The following LINC00632 variants were observed in gnomAD, a reference collection of about 807,000 sequenced individuals.
The protein encoded by LINC00632 is ALDOA related specific transcript.
chrX:140,783,625 T>G (rs772759041), exon 5 of LINC00632: 2 of 1,209,681 alleles, frequency 1.7e-6, no homozygotes, highest in Non-Finnish European at 2.2e-6. Context: ...ATCCAGGTCT[T>G]CCAGTCAATC....
chrX:140,767,391 A>AT (rs746740714), intron 3 of LINC00632, among the ~76,000 whole-genome samples: 236 of 111,801 alleles, frequency 2.1e-3, no homozygotes, highest in Admixed American at 5.4e-3. Flanking sequence ...ATTTTTTTCC[A>AT]TTTTTGTTAA....
At chrX:140,751,272 T>C (rs2148393084) in intron 3 of LINC00632, among the ~76,000 whole-genome samples, 1 of 101,327 alleles carries the variant, frequency 9.9e-6, no homozygotes, top group South Asian at 4.4e-4. Flanking sequence ...TTTTATCACA[T>C]CCATGCCAAC....
chrX:140,765,162 A>C (rs1255699589), intron 3 of LINC00632, among the ~76,000 whole-genome samples: 1 of 111,926 alleles, frequency 8.9e-6, no homozygotes, highest in Non-Finnish European at 1.9e-5. Flanking sequence ...CGACGCAGCT[A>C]ATCAACTCTG....
exon 5 of LINC00632, chrX:140,784,215 A>C: frequency 8.3e-7 from 1 of 1,211,873 alleles, no homozygotes; most frequent in South Asian, 1.8e-5. Flanking sequence ...GTCTTCCAAC[A>C]AAGCCATGTC....
chrX:140,724,305 TCAGA>T (rs1415646057), intron 2 of LINC00632, among the ~76,000 whole-genome samples: 1 of 27,376 alleles, frequency 3.7e-5, no homozygotes, highest in Non-Finnish European at 6.7e-5. Flanking sequence ...ACACACACAT[TCAGA>T]CACATTCCAT....
At chrX:140,730,335 C>T (rs1046366538) in intron 2 of LINC00632, among the ~76,000 whole-genome samples, 8 of 110,864 alleles carry the variant, frequency 7.2e-5, no homozygotes, top group Non-Finnish European at 1.1e-4. Flanking sequence ...CCTATCAGAA[C>T]GACTCATGCC....
chrX:140,716,991 A>ATT (rs371108110), intron 2 of LINC00632, among the ~76,000 whole-genome samples: 1 of 104,587 alleles, frequency 9.6e-6, no homozygotes, highest in African/African-American at 3.5e-5. Context: ...ATTCCACAAC[A>ATT]TTTTTTTTTT....
exon 5 of LINC00632, among the ~76,000 whole-genome samples, chrX:140,775,004 T>C (rs1366250741): frequency 2.7e-5 from 3 of 112,057 alleles, no homozygotes; most frequent in Non-Finnish European, 5.6e-5. Context: ...GTTAAATTAA[T>C]TTCTTTTCCA....
At chrX:140,759,341 C>CT (rs1931560821) in intron 3 of LINC00632, among the ~76,000 whole-genome samples, 3 of 46,539 alleles carry the variant, frequency 6.4e-5, no homozygotes, top group African/African-American at 2.1e-4. Flanking sequence ...TCCTTCCTTC[C>CT]TTCCTTTCTT....
intron 2 of LINC00632, among the ~76,000 whole-genome samples, chrX:140,725,147 A>G (rs1411943247): frequency 5.0e-5 from 1 of 20,085 alleles, no homozygotes; most frequent in Non-Finnish European, 9.1e-5. Flanking sequence ...CACATTGCAT[A>G]CCAACACACA....
rs185306721 is a variant in LINC00632 at position 140,784,511 on chromosome X, G to A, written n.12530G>A. The A allele has an allele frequency of 2.3e-4, 150 of 660,034 alleles. No individual in the cohort carries two copies. In the African/African-American group the frequency reaches 2.6e-3, roughly 12 times the overall value. The allele number at this position is 660,034 out of a possible 1,213,427, so 54.4% of individuals were successfully genotyped here. A position where few individuals can be genotyped will look rare whatever the true frequency, so the allele number is the denominator to read the frequency against. ...TCTGCTCGTCTTCCAACATCTCCAC[G>A]TCTTCCAGCATCTCTGTGTCTTCCA... On this transcript the variant is annotated non_coding_transcript_exon_variant, in exon 5 of 5. Transcript: ENST00000648200.
chrX:140,723,691 G>C (rs867419528), intron 2 of LINC00632, among the ~76,000 whole-genome samples: 2 of 52 alleles, frequency 0.038, no homozygotes, highest in Non-Finnish European at 0.1. Context: ...CACACACATA[G>C]ACACACATTC....
exon 5 of LINC00632, among the ~76,000 whole-genome samples, chrX:140,791,087 T>C (rs182186639): frequency 1.8e-5 from 2 of 111,828 alleles, no homozygotes; most frequent in African/African-American, 6.5e-5. Context: ...TTTTTGGCTC[T>C]AATAGAAATG....
At chrX:140,768,336 C>G (rs1319728640) in intron 3 of LINC00632, among the ~76,000 whole-genome samples, 1 of 108,917 alleles carries the variant, frequency 9.2e-6, no homozygotes, top group Non-Finnish European at 1.9e-5. Flanking sequence ...ATGCTTCATT[C>G]AAGGGTAGAT....
At chrX:140,749,020 T>C (rs1296626845) in intron 3 of LINC00632, among the ~76,000 whole-genome samples, 1 of 110,137 alleles carries the variant, frequency 9.1e-6, no homozygotes, top group Admixed American at 9.9e-5. Flanking sequence ...TTAATATTAG[T>C]GGCATTTATT....
intron 3 of LINC00632, among the ~76,000 whole-genome samples, chrX:140,754,692 A>T (rs1258576436): frequency 1.8e-4 from 19 of 106,314 alleles, no homozygotes; most frequent in African/African-American, 6.5e-4. Context: ...CTTCCAGCAG[A>T]TTTTTTTTTT....
intron 2 of LINC00632, among the ~76,000 whole-genome samples, chrX:140,718,649 G>A (rs1428620686): frequency 9.0e-6 from 1 of 111,214 alleles, no homozygotes; most frequent in Admixed American, 9.6e-5. Flanking sequence ...GACCTCAGGT[G>A]ATCCACCCAT....
At chrX:140,756,275 T>C (rs902990224) in intron 3 of LINC00632, among the ~76,000 whole-genome samples, 1 of 112,122 alleles carries the variant, frequency 8.9e-6, no homozygotes, top group African/African-American at 3.2e-5. Flanking sequence ...TAAATCACAT[T>C]TGAATGAAAC....
At chrX:140,723,371 TTCCATACAC>T (rs1930772514) in intron 2 of LINC00632, among the ~76,000 whole-genome samples, 1 of 43,037 alleles carries the variant, frequency 2.3e-5, no homozygotes. Context: ...CACACACACA[TTCCATACAC>T]ACACATTCCA....
Sources: gnomAD v4.1 joint callset for allele counts (sites outside exome capture counted in the v4.1 genomes callset) on GRCh38, gnomAD v4.1.1 for gene constraint, MANE v1.5 for transcripts, NCBI Gene and HGNC (gene_info 2026-07-23, HGNC 2026-07-21) for gene names.